Variants in POLR3G observed in about 807,000 individuals in gnomAD.
POLR3G encodes the protein RNA polymerase III subunit G.
Under a neutral mutation model 30.1 loss-of-function variants are expected in POLR3G, and 28 were observed. The ratio of observed to expected loss-of-function variants is 0.93; its 90% CI spans 0.69 to 1.27. POLR3G has a LOEUF of 1.27. Among genes scored for constraint, POLR3G ranks in the 50% most tolerant of loss-of-function variants. The pLI is 0.00. For missense variants in POLR3G, 254 were observed against 264.6 expected (o/e 0.96, Z 0.28); for synonymous variants, 79 against 82.5 (o/e 0.96, Z 0.23).
chr5:90,509,060 T>C (rs1267504105), intron 7 of POLR3G, among the ~76,000 whole-genome samples: 1 of 152,220 alleles, frequency 6.6e-6, no homozygotes, highest in Non-Finnish European at 1.5e-5. Context: ...TATTTATGAT[T>C]TCCTTTATTT....
In POLR3G at chr5:90,506,636, G is replaced by A. The variant is rs375576885; in HGVS notation, c.547G>A (p.Ala183Thr). ...EGDDDDDDDA[A>T]EQEEYDEEEQ... The stretch of plus-strand genomic sequence containing the variant: ...TGATGATGACGATGACGATGATGCC[G>A]CAGAACAGGAGGAATATGATGAAGA... Residue 183 changes from alanine to threonine, a missense_variant, in exon 7 of 8, where the codon GCA becomes ACA. Physicochemically the swap from Ala to Thr is moderately conservative, Grantham distance 58 (BLOSUM62 0). Transcript: ENST00000651687. 8.1e-6 allele frequency: 13 copies of A among 1,612,644 alleles called. No homozygotes were observed. Among genetic ancestry groups the A allele is most frequent in the Middle Eastern group, 1.7e-4 (1 of 6,056 alleles).
chr5:90,489,590 A>G (rs554858951), intron 3 of POLR3G, among the ~76,000 whole-genome samples: 2 of 152,246 alleles, frequency 1.3e-5, no homozygotes, highest in East Asian at 3.9e-4. Flanking sequence ...TTTAACTCTC[A>G]TGATGATGTT....
chr5:90,509,325 AC>A (rs950829275), intron 7 of POLR3G, among the ~76,000 whole-genome samples: 9 of 151,954 alleles, frequency 5.9e-5, no homozygotes, highest in African/African-American at 2.2e-4. Context: ...CCCCATAGTT[AC>A]CCTGTATAAA....
chr5:90,508,430 A>C (rs1404392599), intron 7 of POLR3G, among the ~76,000 whole-genome samples: 1 of 150,602 alleles, frequency 6.6e-6, no homozygotes, highest in East Asian at 2.0e-4. Context: ...TTCCCTTTCC[A>C]TATTTTTAAC....
At position 90,514,019 on chromosome 5, in the gene POLR3G, T is replaced by C. The variant is rs1331363141; in HGVS notation, c.*1880T>C. The C allele has an allele frequency of 6.6e-6, 1 of 152,262 alleles. No homozygotes were observed. The highest frequency in any genetic ancestry group is 2.4e-5 in the African/African-American group (1 of 41,482). The allele number at this position is 152,262 out of a possible 1,614,324, so 9.4% of individuals were successfully genotyped here. A position where few individuals can be genotyped will look rare whatever the true frequency, so the allele number is the denominator to read the frequency against. ...TGAAGATAAAGGTTATTTCTTTTTT[T>C]AGCTTTGAATTTGTCATGACCATTT... On this transcript the variant is annotated 3_prime_UTR_variant, in exon 8 of 8. Coordinates refer to ENST00000651687, the MANE Select transcript of POLR3G (RefSeq NM_006467.3).
At chr5:90,492,861 A>C (rs1580206351) in intron 3 of POLR3G, among the ~76,000 whole-genome samples, 1 of 16,404 alleles carries the variant, frequency 6.1e-5, no homozygotes, top group South Asian at 1.8e-3. Flanking sequence ...ACTCCGCCTC[A>C]AAAAAAAAAA....
chr5:90,497,338 A>G (rs1354164944), intron 4 of POLR3G, among the ~76,000 whole-genome samples: 1 of 152,136 alleles, frequency 6.6e-6, no homozygotes, highest in Non-Finnish European at 1.5e-5. Context: ...AAGTGGTCAA[A>G]TAAATATAAA....
At chr5:90,487,954 A>T in intron 2 of POLR3G, 46 bp from the exon 3 acceptor site, 1 of 1,457,698 alleles carries the variant, frequency 6.9e-7, no homozygotes, top group Non-Finnish European at 9.2e-7. Context: ...GGATATTAAA[A>T]TACATAATTG....
chr5:90,480,988 G>A (rs1412106966), intron 1 of POLR3G, among the ~76,000 whole-genome samples: 1 of 152,116 alleles, frequency 6.6e-6, no homozygotes, highest in Admixed American at 6.5e-5. Flanking sequence ...AATAAGCTGG[G>A]CTATTAAAAT....
intron 2 of POLR3G, 65 bp downstream of exon 2, chr5:90,485,749 C>A: frequency 3.6e-6 from 4 of 1,105,814 alleles, no homozygotes; most frequent in South Asian, 1.4e-5. Flanking sequence ...TATTAAAATT[C>A]TATATGGGAC....
At chr5:90,496,960 TC>T (rs1198050051) in intron 4 of POLR3G, among the ~76,000 whole-genome samples, 1 of 152,188 alleles carries the variant, frequency 6.6e-6, no homozygotes, top group Non-Finnish European at 1.5e-5. Context: ...AATTTATTTT[TC>T]AGGTAAAATG....
intron 1 of POLR3G, among the ~76,000 whole-genome samples, chr5:90,478,980 A>G (rs758297442): frequency 1.7e-5 from 2 of 115,690 alleles, no homozygotes; most frequent in African/African-American, 3.1e-5. Flanking sequence ...AGTGATTCCA[A>G]TGTGCAGCCA....
chr5:90,481,214 A>T lies in POLR3G; in HGVS notation c.-43-4311A>T, dbSNP rs545050590. Among the ~76,000 whole-genome samples, 10 of 152,304 alleles carry T rather than the reference A, an allele frequency of 6.6e-5. No homozygotes were observed. In the South Asian group the frequency reaches 8.3e-4, roughly 13 times the overall value. Reference sequence around the variant, plus strand: ...ACTGATGGACACTTTATACTTAATGAAATAGACCAACACCTGAACCCATGA... The same window carrying T: ...ACTGATGGACACTTTATACTTAATGTAATAGACCAACACCTGAACCCATGA... On this transcript the variant is annotated intron_variant, in intron 1 of 7. Coordinates refer to ENST00000651687, the MANE Select transcript of POLR3G (RefSeq NM_006467.3).
At chr5:90,502,064 C>G (rs1466534812) in intron 6 of POLR3G, 76 bp downstream of exon 6, 2 of 1,535,556 alleles carry the variant, frequency 1.3e-6, no homozygotes, top group Non-Finnish European at 1.7e-6. Context: ...CTGTTTCAAC[C>G]TTTCAGCATT....
chr5:90,507,460 G>A (rs1752538712), intron 7 of POLR3G, among the ~76,000 whole-genome samples: 1 of 152,206 alleles, frequency 6.6e-6, no homozygotes, highest in Non-Finnish European at 1.5e-5. Context: ...AAACAGAGAA[G>A]TGTGGATACA....
At position 90,513,126 on chromosome 5, in the gene POLR3G, G is replaced by A. The variant is rs1294716106; in HGVS notation, c.*987G>A. On this transcript the variant is annotated 3_prime_UTR_variant, in exon 8 of 8. Transcript: ENST00000651687. Reference sequence around the variant, plus strand: ...TCCCCTAACTTTATATATTTTTTGGGAAAAAATACCTAAAAACCTCAGCCT... The same window carrying A: ...TCCCCTAACTTTATATATTTTTTGGAAAAAAATACCTAAAAACCTCAGCCT... 1 of 151,842 alleles carries A rather than the reference G, an allele frequency of 6.6e-6. No individual in the cohort carries two copies. Among genetic ancestry groups the A allele is most frequent in the Non-Finnish European group, 1.5e-5 (1 of 67,868 alleles). 9.4% of individuals were successfully genotyped at this position (151,842 alleles called of 1,614,324 possible). A position where few individuals can be genotyped will look rare whatever the true frequency, so the allele number is the denominator to read the frequency against.
chr5:90,502,804 C>CTT (rs10675068), intron 6 of POLR3G, among the ~76,000 whole-genome samples: 6 of 144,294 alleles, frequency 4.2e-5, no homozygotes, highest in Non-Finnish European at 7.6e-5. Context: ...CCTCATCCTT[C>CTT]TTTTTTTTTT....
Position 90,487,725 on chromosome 5 carries a change from G to A in POLR3G, c.118-275G>A, listed in dbSNP as rs369668773. ...AATTTTTAAAGTAGATAATCACATAGGTCAACAGACTGTTTGGCAAAATGA... is the reference window on the plus strand; with the variant it reads ...AATTTTTAAAGTAGATAATCACATAAGTCAACAGACTGTTTGGCAAAATGA... On this transcript the variant is annotated intron_variant, in intron 2 of 7. Coordinates refer to ENST00000651687, the MANE Select transcript of POLR3G (RefSeq NM_006467.3). Among the ~76,000 whole-genome samples, 74 of 152,094 alleles carry A rather than the reference G, an allele frequency of 4.9e-4. 1 individual carries two copies. Among genetic ancestry groups the A allele is most frequent in the African/African-American group, 1.7e-3 (71 of 41,506 alleles).
At chr5:90,476,137 A>T (rs12519671) in intron 1 of POLR3G, among the ~76,000 whole-genome samples, 2,463 of 152,326 alleles carry the variant, frequency 0.016, 82 homozygotes, top group Admixed American at 0.07. Context: ...CTTTACTGTG[A>T]CAACTACTAA....
Sources: gnomAD v4.1 joint callset for allele counts (sites outside exome capture counted in the v4.1 genomes callset) on GRCh38, gnomAD v4.1.1 for gene constraint, MANE v1.5 for transcripts, NCBI Gene and HGNC (gene_info 2026-07-23, HGNC 2026-07-21) for gene names.